The following MYH7 variants were observed in gnomAD, a reference collection of about 807,000 sequenced individuals.
MYH7 encodes myosin-7.
In MYH7, 129 loss-of-function variants were observed where a neutral mutation model predicts 225.4. The ratio of observed to expected loss-of-function variants is 0.57; its 90% CI spans 0.50 to 0.66. The LOEUF (loss-of-function observed/expected upper bound fraction) is 0.66. MYH7 is among the 30% of genes least tolerant of loss of function. The probability of loss-of-function intolerance (pLI) is 0.00; values close to 1 mark genes in which losing one functional copy is unlikely to be tolerated. For synonymous variants in MYH7, 971 were observed against 1,007.6 expected (o/e 0.96, Z 0.69); for missense variants, 1,649 against 2,517.0 (o/e 0.66, Z 7.38).
In MYH7 at chr14:23,431,833, CT is replaced by C. The variant is rs1398266163; in HGVS notation, c.566del (p.Lys189ArgfsTer75). The C allele has an allele frequency of 6.2e-7, 1 of 1,614,258 alleles. No homozygotes were observed. Among genetic ancestry groups the C allele is most frequent in the Non-Finnish European group, 8.5e-7 (1 of 1,180,044 alleles). On this transcript the variant is annotated frameshift_variant, in exon 7 of 40. Coordinates refer to ENST00000355349, the MANE Select transcript of MYH7 (RefSeq NM_000257.4). LOFTEE classifies it high-confidence loss of function. ...TAACAGCAAAGTACTGGATGACCCT[CT>C]TGGTGTTGACTGTCTTCCCTGCTCC... ...ESGAGKTVNT[K>X]RVIQYFAVIA...
rs746904835 is a variant in MYH7 at position 23,428,941 on chromosome 14, G to A, written c.1407+14C>T. 25 of 1,614,008 alleles carry A rather than the reference G, an allele frequency of 1.5e-5. No individual in the cohort carries two copies. The highest frequency in any genetic ancestry group is 2.1e-5 in the Non-Finnish European group (25 of 1,180,046). On this transcript the variant is annotated intron_variant, in intron 14 of 39. Transcript: ENST00000355349. ...TGAGTGATTGTTCTCCCACTCCCAGGGGTCCCAACTCACATCGAAGATCTC... is the reference window on the plus strand; with the variant it reads ...TGAGTGATTGTTCTCCCACTCCCAGAGGTCCCAACTCACATCGAAGATCTC...
intron 29 of MYH7, 48 bp from the exon 30 acceptor site, chr14:23,418,454 G>C: frequency 6.4e-7 from 1 of 1,557,138 alleles, no homozygotes; most frequent in South Asian, 1.2e-5. Context: ...TCTCCATAAA[G>C]CAACCCCACC....
At chr14:23,431,368 C>G in intron 9 of MYH7, 50 bp downstream of exon 9, 1 of 1,579,052 alleles carries the variant, frequency 6.3e-7, no homozygotes, top group Non-Finnish European at 8.7e-7. Context: ...ACCAGATGGT[C>G]TAGAGCAAGG....
intron 15 of MYH7, 100 bp downstream of exon 15, chr14:23,428,400 T>C (rs1892782289): frequency 6.3e-7 from 1 of 1,580,930 alleles, no homozygotes. Flanking sequence ...CAGCCCCTTC[T>C]ATTTTTATAT....
Position 23,414,060 on chromosome 14 carries a change from C to T in MYH7, c.5602G>A (p.Val1868Ile), listed in dbSNP as rs560939959. Residue 1868 changes from valine to isoleucine, a missense_variant, in exon 38 of 40, where the codon GTA (valine) becomes ATA (isoleucine). Val to Ile is a conservative substitution (Grantham distance 29, BLOSUM62 3). Transcript: ENST00000355349. Reference sequence around the variant, plus strand: ...TTGACCTTTAGCTGCAGCTTGTCTACCAGGTCCTGCAGCCGCAGCAGGTTT... The same window carrying T: ...TTGACCTTTAGCTGCAGCTTGTCTATCAGGTCCTGCAGCCGCAGCAGGTTT... ...RKNLLRLQDL[V>I]DKLQLKVKAY... is the part of the protein sequence containing the mutation. 1 of 1,613,992 alleles carries T rather than the reference C, an allele frequency of 6.2e-7. No individual in the cohort carries two copies. The highest frequency in any genetic ancestry group is 8.5e-7 in the Non-Finnish European group (1 of 1,180,030).
At chr14:23,432,239 G>A (rs372960048) in intron 6 of MYH7, among the ~76,000 whole-genome samples, 27 of 152,166 alleles carry the variant, frequency 1.8e-4, no homozygotes, top group Non-Finnish European at 3.5e-4. Context: ...GGATAAACGC[G>A]TGATGAGTTG....
intron 27 of MYH7, 35 bp downstream of exon 27, chr14:23,419,810 G>A (rs761608386): frequency 1.2e-6 from 2 of 1,614,032 alleles, no homozygotes; most frequent in East Asian, 4.5e-5. Flanking sequence ...GGTGGGAGGA[G>A]GAAGTTGGAG....
chr14:23,418,126 G>T (rs1892303939), intron 30 of MYH7, 84 bp downstream of exon 30: 1 of 1,592,826 alleles, frequency 6.3e-7, no homozygotes, highest in African/African-American at 1.3e-5. Flanking sequence ...AGCATCGCCT[G>T]TGTGGGATCT....
At chr14:23,432,949 T>C in intron 4 of MYH7, 135 bp downstream of exon 4, 1 of 1,511,596 alleles carries the variant, frequency 6.6e-7, no homozygotes, top group South Asian at 1.2e-5. Flanking sequence ...AGTGTTGGAA[T>C]TGAACCAAGG....
At position 23,425,434 on chromosome 14, in the gene MYH7, G is replaced by A; in HGVS notation, c.2287-16C>T. On this transcript the variant is annotated splice_polypyrimidine_tract_variant and intron_variant, in intron 20 of 39. Coordinates refer to ENST00000355349, the MANE Select transcript of MYH7 (RefSeq NM_000257.4). This position sits in a 1 kb window ranked among gnomAD's most constrained non-coding sequence, Gnocchi z 4.6. Reference sequence around the variant, plus strand: ...TGAAGAACACCTGCAGGCAAGGTGTGTGTTGGCCATGACTAGGGAGGGGTA... The same window carrying A: ...TGAAGAACACCTGCAGGCAAGGTGTATGTTGGCCATGACTAGGGAGGGGTA... 12 of 1,614,074 alleles carry A rather than the reference G, an allele frequency of 7.4e-6. No individual in the cohort carries two copies. The highest frequency in any genetic ancestry group is 1.0e-5 in the Non-Finnish European group (12 of 1,179,962).
intron 6 of MYH7, among the ~76,000 whole-genome samples, chr14:23,432,128 C>T (rs1488207929): frequency 6.6e-6 from 1 of 152,132 alleles, no homozygotes; most frequent in Non-Finnish European, 1.5e-5. Flanking sequence ...GGGAGATGGG[C>T]CTGGGCTGTT....
chr14:23,420,993 C>G lies in MYH7; in HGVS notation c.3301G>C (p.Gly1101Arg). ...NARIEDEQAL[G>R]SQLQKKLKEL... ...TTGAGCTTCTTCTGCAGCTGGCTGC[C>G]GAGGGCCTGTTCATCCTCAATCCTT... The change falls in exon 26 of 40, where the codon GGC (glycine) becomes CGC (arginine). Residue 1101 changes from glycine to arginine, a missense_variant. Transcript: ENST00000355349. The G allele has an allele frequency of 5.0e-6, 8 of 1,612,506 alleles. No individual in the cohort carries two copies. Among genetic ancestry groups the G allele is most frequent in the South Asian group, 1.1e-5 (1 of 90,998 alleles).
intron 18 of MYH7, 72 bp downstream of exon 18, chr14:23,426,705 G>T: frequency 2.9e-6 from 4 of 1,369,200 alleles, no homozygotes; most frequent in South Asian, 1.2e-5. Context: ...TAGGTAGGGA[G>T]ATGTCCTAGG....
In MYH7 at chr14:23,425,919, C is replaced by G; in HGVS notation, c.2162+45G>C. ...CAGATCCCATTCCCATCAGGGCAGC[C>G]TGGCTCCCCCTGTTCTATGAGCTCT... On this transcript the variant is annotated intron_variant, in intron 19 of 39. Coordinates refer to ENST00000355349, the MANE Select transcript of MYH7 (RefSeq NM_000257.4). The surrounding 1 kb of genome is among the most constrained non-coding windows in gnomAD (Gnocchi z 4.6). The G allele has an allele frequency of 6.2e-7, 1 of 1,612,932 alleles. No homozygotes were observed. The highest frequency in any genetic ancestry group is 8.5e-7 in the Non-Finnish European group (1 of 1,180,036).
intron 6 of MYH7, 147 bp downstream of exon 6, chr14:23,432,332 C>CAGG: frequency 1.0e-6 from 1 of 973,076 alleles, no homozygotes; most frequent in South Asian, 1.4e-5. Context: ...AGAGAGGGGT[C>CAGG]AGGGTAATGG....
intron 18 of MYH7, 93 bp downstream of exon 18, chr14:23,426,684 C>T: frequency 8.2e-7 from 1 of 1,214,840 alleles, no homozygotes; most frequent in Non-Finnish European, 1.2e-6. Flanking sequence ...GTTTGGAAAC[C>T]ACTGTGGTGG....
Position 23,416,151 on chromosome 14 carries a change from G to T in MYH7, c.4806C>A (p.Asp1602Glu). ...CCTCGTTGCGGCTGCGTGTCTCTGC[G>T]TCCAGGGAGGTCTGCAGCGAGTCCA... ...RVVDSLQTSLDAETRSRNEAL... is the reference protein window; with the variant it reads ...RVVDSLQTSLEAETRSRNEAL... The change falls in exon 34 of 40, where the codon GAC becomes GAA. Residue 1602 changes from aspartate (D) to glutamate (E), a missense_variant. Coordinates refer to ENST00000355349, the MANE Select transcript of MYH7 (RefSeq NM_000257.4). 6.2e-7 allele frequency: 1 copy of T among 1,611,104 alleles called. No individual in the cohort carries two copies. The highest frequency in any genetic ancestry group is 8.5e-7 in the Non-Finnish European group (1 of 1,178,938).
Position 23,425,031 on chromosome 14 carries a change from G to A in MYH7, c.2424-7C>T, listed in dbSNP as rs759141144. On this transcript the variant is annotated splice_region_variant and splice_polypyrimidine_tract_variant and intron_variant, in intron 21 of 39. Transcript: ENST00000355349. The surrounding 1 kb of genome is among the most constrained non-coding windows in gnomAD (Gnocchi z 4.6). ...GATTACCAGCAGGGAGTCTCTGCAG[G>A]GGCCCATTGAAAGGAGTGCTGAGCC... 1.2e-6 allele frequency: 2 copies of A among 1,614,136 alleles called. No individual in the cohort carries two copies. The highest frequency in any genetic ancestry group is 1.7e-6 in the Non-Finnish European group (2 of 1,180,030).
rs61977674 is a variant in MYH7 at position 23,432,730 on chromosome 14, C to T, written c.411G>A (p.Glu137=). Residue 137 remains glutamate (E), a synonymous_variant, in exon 5 of 40, where the codon GAG becomes GAA. Coordinates refer to ENST00000355349, the MANE Select transcript of MYH7 (RefSeq NM_000257.4). ...TCTTGCCCCGGTAGGCAGCCACCAC[C>T]TCAGGAGTGTACACCGGCAGCCACT... ...PYKWLPVYTP[E]VVAAYRGKKR... The T allele has an allele frequency of 6.2e-7, 1 of 1,614,166 alleles. No homozygotes were observed.
Sources: gnomAD v4.1 joint callset for allele counts (sites outside exome capture counted in the v4.1 genomes callset) on GRCh38, gnomAD v4.1.1 for gene constraint, Gnocchi (gnomAD v3.1) non-coding constraint, MANE v1.5 for transcripts, NCBI Gene and HGNC (gene_info 2026-07-23, HGNC 2026-07-21) for gene names.